COL4A6: variants seen among roughly 807,000 people sequenced by gnomAD.
COL4A6 encodes the protein collagen type IV alpha 6 chain.
A neutral mutation model predicts 126.7 loss-of-function variants in COL4A6; 59 were observed. That is an observed-to-expected ratio of 0.47 (90% CI 0.38 to 0.58). The LOEUF (loss-of-function observed/expected upper bound fraction) is 0.58, where lower values mean the gene tolerates loss of function less well. COL4A6 is among the 20% of genes least tolerant of loss of function. The probability of loss-of-function intolerance (pLI) is 0.00; values close to 1 mark genes in which losing one functional copy is unlikely to be tolerated. For missense variants in COL4A6, 1,285 were observed against 1,337.3 expected (o/e 0.96, Z 0.61); for synonymous variants, 547 against 496.6 (o/e 1.10, Z -1.35).
Position 108,188,015 on chromosome X carries a change from G to A in COL4A6, c.1600C>T (p.Pro534Ser). ...GPAGAPGLVG[P>S]LGPSGPKGKK... ...CCTTTGGGTCCTGAAGGACCCAGAGGCCCAACTAAGCCCTGACAAAGAAAA... is the reference window on the plus strand; with the variant it reads ...CCTTTGGGTCCTGAAGGACCCAGAGACCCAACTAAGCCCTGACAAAGAAAA... The change falls in exon 22 of 45, where the codon CCT becomes TCT. Residue 534 changes from proline (P) to serine (S), a missense_variant. Physicochemically the swap from Pro to Ser is moderately conservative, Grantham distance 74 (BLOSUM62 -1). Transcript: ENST00000334504. 8.4e-7 allele frequency: 1 copy of A among 1,186,762 alleles called. No homozygotes were observed.
chrX:108,156,727 C>T lies in COL4A6; in HGVS notation c.*273G>A, dbSNP rs1005782508. On this transcript the variant is annotated 3_prime_UTR_variant, in exon 45 of 45. Transcript: ENST00000334504. ...GACAGTTGTGGCCCATCAAATCTTT[C>T]TGAGGTAGCCATGAATAGTCACACA... is the stretch of plus-strand genomic sequence containing the variant. 8 of 385,070 alleles carry T rather than the reference C, an allele frequency of 2.1e-5. No homozygotes were observed. In the Admixed American group the frequency reaches 3.7e-4, roughly 18 times the overall value. The allele number at this position is 385,070 out of a possible 1,213,427, so 31.7% of individuals were successfully genotyped here.
At chrX:108,300,868 C>T (rs1446041439) in intron 3 of COL4A6, among the ~76,000 whole-genome samples, 1 of 111,154 alleles carries the variant, frequency 9.0e-6, no homozygotes, top group African/African-American at 3.3e-5. Context: ...GGGGCTTGAA[C>T]CTCACAAAAC....
At chrX:108,238,387 G>A (rs948693715) in intron 3 of COL4A6, among the ~76,000 whole-genome samples, 4 of 109,531 alleles carry the variant, frequency 3.7e-5, no homozygotes, top group African/African-American at 1.0e-4. Context: ...GATTACAGGC[G>A]TGAGTCACCA....
chrX:108,165,458 A>G lies in COL4A6; in HGVS notation c.3720T>C (p.Gly1240=). Residue 1240 remains glycine, a synonymous_variant, in exon 38 of 45, where the codon GGT becomes GGC. Coordinates refer to ENST00000334504, the MANE Select transcript of COL4A6 (RefSeq NM_033641.4). ...AGGAGATGCCTGGGGCACCGGGGAG[A>G]CCAGCAGGGCCCTGGAGACCTGGGA... ...RGFPGLQGPA[G]LPGAPGISLP... 8.4e-7 allele frequency: 1 copy of G among 1,196,748 alleles called. No individual in the cohort carries two copies. The highest frequency in any genetic ancestry group is 1.1e-6 in the Non-Finnish European group (1 of 889,415).
rs769424757 is a variant in COL4A6, at chrX:108,187,269, C to A, written c.1778G>T (p.Gly593Val). Reference sequence around the variant, plus strand: ...CCCCTTTTCACCTGGGAAGCCCTGTCCACCATCACCCTAGACAACATATAA... The same window carrying A: ...CCCCTTTTCACCTGGGAAGCCCTGTACACCATCACCCTAGACAACATATAA... ...PGLPGLPGDG[G>V]QGFPGEKGLP... The change falls in exon 23 of 45, where the codon GGA becomes GTA. Residue 593 changes from glycine (G) to valine (V), a missense_variant. Coordinates refer to ENST00000334504, the MANE Select transcript of COL4A6 (RefSeq NM_033641.4). The A allele has an allele frequency of 5.2e-6, 6 of 1,153,597 alleles. No homozygotes were observed. The highest frequency in any genetic ancestry group is 5.8e-6 in the Non-Finnish European group (5 of 862,241).
Position 108,157,177 on chromosome X carries a change from G to A in COL4A6, c.4896C>T (p.Phe1632=). ...SCLEDFRATP[F]IECSGARGTC... ...TGCCTCGGGCACCACTGCATTCGAT[G>A]AAAGGAGTGGCCCGAAAGTCCTCTA... The change falls in exon 45 of 45, where the codon TTC becomes TTT. Residue 1632 remains phenylalanine, a synonymous_variant. Coordinates refer to ENST00000334504, the MANE Select transcript of COL4A6 (RefSeq NM_033641.4). 8.3e-7 allele frequency: 1 copy of A among 1,212,106 alleles called. No homozygotes were observed. The highest frequency in any genetic ancestry group is 1.8e-5 in the South Asian group (1 of 57,019).
chrX:108,223,339 C>T (rs1024133558), intron 3 of COL4A6, among the ~76,000 whole-genome samples: 3 of 111,343 alleles, frequency 2.7e-5, no homozygotes, highest in Non-Finnish European at 5.7e-5. Context: ...TGTAACAAAC[C>T]TGCACGTTCT....
chrX:108,312,626 G>A (rs930200216), intron 2 of COL4A6, among the ~76,000 whole-genome samples: 1 of 111,809 alleles, frequency 8.9e-6, no homozygotes, highest in Admixed American at 9.5e-5. Context: ...TTGGTATTAT[G>A]GATAATTTGT....
chrX:108,174,678 G>C (rs1397695143), intron 30 of COL4A6, 57 bp from the exon 31 acceptor site: 2 of 1,069,450 alleles, frequency 1.9e-6, no homozygotes, highest in Non-Finnish European at 2.5e-6. Flanking sequence ...AACCCAGCTT[G>C]CCAAGATGCA....
intron 3 of COL4A6, among the ~76,000 whole-genome samples, chrX:108,310,100 G>T (rs2038726480): frequency 9.0e-6 from 1 of 110,749 alleles, no homozygotes; most frequent in Non-Finnish European, 1.9e-5. Context: ...AATATCTAGG[G>T]GCTATGCATA....
At chrX:108,362,958 T>TC (rs764981160) in intron 2 of COL4A6, among the ~76,000 whole-genome samples, 4 of 111,997 alleles carry the variant, frequency 3.6e-5, no homozygotes, top group Non-Finnish European at 7.5e-5. Context: ...TGAGGTATGA[T>TC]CTACCCTTGA....
At chrX:108,428,569 T>C (rs977074100) in intron 2 of COL4A6, among the ~76,000 whole-genome samples, 1 of 110,792 alleles carries the variant, frequency 9.0e-6, no homozygotes, top group African/African-American at 3.3e-5. Context: ...AAAATAATTA[T>C]TGGGTACTAG....
In COL4A6 at chrX:108,159,710, G is replaced by T; in HGVS notation, c.4564C>A (p.Pro1522Thr). Residue 1522 changes from proline (P) to threonine (T), a missense_variant, in exon 44 of 45, where the codon CCC becomes ACC. Transcript: ENST00000334504. ...TCGTTGATGTTGCAGTAGATGAAGG[G>T]CATGGTGCTGAAGCGGGGCAGACAG... ...GSCLPRFSTM[P>T]FIYCNINEVC... is the part of the protein sequence containing the mutation. 1.7e-6 allele frequency: 2 copies of T among 1,211,952 alleles called. No homozygotes were observed. The highest frequency in any genetic ancestry group is 1.1e-6 in the Non-Finnish European group (1 of 895,566).
chrX:108,399,705 G>C (rs941795430), intron 2 of COL4A6, among the ~76,000 whole-genome samples: 15 of 111,622 alleles, frequency 1.3e-4, no homozygotes, highest in African/African-American at 4.2e-4. Context: ...ATTCATCCTA[G>C]TATATTTCAT....
intron 3 of COL4A6, among the ~76,000 whole-genome samples, chrX:108,300,663 G>A (rs1303657661): frequency 2.8e-5 from 3 of 108,195 alleles, no homozygotes; most frequent in African/African-American, 1.0e-4. Context: ...ATCCATTTGA[G>A]GTTTCGTGAT....
chrX:108,229,149 A>T (rs987855034), intron 3 of COL4A6, among the ~76,000 whole-genome samples: 1 of 112,110 alleles, frequency 8.9e-6, no homozygotes, highest in Non-Finnish European at 1.9e-5. Flanking sequence ...TGAGGTGTTT[A>T]ATCTGGTACA....
At position 108,224,503 on chromosome X, in the gene COL4A6, TC is replaced by T. The variant is rs2036110409; in HGVS notation, c.145-3130del. Among the ~76,000 whole-genome samples, 3 of 111,065 alleles carry T rather than the reference TC, an allele frequency of 2.7e-5. No homozygotes were observed. In the South Asian group the frequency reaches 1.2e-3, roughly 43 times the overall value. ...CCAGAAGCAGGGCCTGTGGGAAGTT[TC>T]TAGGCTTCTGCTCATCCAGAACTGT... On this transcript the variant is annotated intron_variant, in intron 3 of 44. Coordinates refer to ENST00000334504, the MANE Select transcript of COL4A6 (RefSeq NM_033641.4).
At chrX:108,203,123 C>T (rs1269063109) in intron 12 of COL4A6, 142 bp from the exon 13 acceptor site, 5 of 492,860 alleles carry the variant, frequency 1.0e-5, no homozygotes, top group African/African-American at 9.5e-5. Context: ...GTGCAGATTC[C>T]CCAGGCTCCC....
intron 24 of COL4A6, 105 bp from the exon 25 acceptor site, chrX:108,180,727 G>C: frequency 1.3e-6 from 1 of 781,246 alleles, no homozygotes; most frequent in Non-Finnish European, 1.9e-6. Context: ...GCCTCTCCTT[G>C]TCTCACCTCC....
Sources: allele counts gnomAD v4.1 joint callset (sites outside exome capture counted in the v4.1 genomes callset), GRCh38; gene constraint gnomAD v4.1.1; transcripts MANE v1.5; gene names NCBI Gene and HGNC (gene_info 2026-07-23, HGNC 2026-07-21).